Variants in NPHP4 observed in about 807,000 individuals in gnomAD.
NPHP4 encodes the protein nephrocystin-4.
Under a neutral mutation model 155.8 loss-of-function variants are expected in NPHP4, and 151 were observed. The ratio of observed to expected loss-of-function variants is 0.97; its 90% CI spans 0.85 to 1.11. The LOEUF (loss-of-function observed/expected upper bound fraction) is 1.11, where lower values mean the gene tolerates loss of function less well. Ranked by LOEUF, NPHP4 falls within the 50% of genes least tolerant of loss-of-function variation. The pLI is 0.00. For synonymous variants in NPHP4, 845 were observed against 816.8 expected, an observed-to-expected ratio of 1.03 and a Z score of -0.59; for missense variants, 1,956 against 1,925.7, an observed-to-expected ratio of 1.02 and a Z score of -0.29.
Position 5,978,350 on chromosome 1 carries a change from A to G in NPHP4, c.199T>C (p.Tyr67His). 6.2e-7 allele frequency: 1 copy of G among 1,609,732 alleles called. No homozygotes were observed. Residue 67 changes from tyrosine to histidine, a missense_variant, in exon 3 of 30, where the codon TAC (tyrosine) becomes CAC (histidine). Physicochemically the swap from Tyr to His is moderately conservative, Grantham distance 83. Coordinates refer to ENST00000378156, the MANE Select transcript of NPHP4 (RefSeq NM_015102.5). Reference sequence around the variant, plus strand: ...CACGTCCTCCCAAAGAAGTGCCGGTAGGTGACATCAAAGAAAGACACTCGC... The same window carrying G: ...CACGTCCTCCCAAAGAAGTGCCGGTGGGTGACATCAAAGAAAGACACTCGC... The part of the protein sequence containing the change: ...HLRVSFFDVT[Y>H]RHFFGRTWKT...
chr1:5,868,998 C>G (rs1474801846), intron 23 of NPHP4, among the ~76,000 whole-genome samples: 2 of 140,596 alleles, frequency 1.4e-5, no homozygotes, highest in Non-Finnish European at 3.1e-5. Flanking sequence ...CACATGCACA[C>G]ACACGCACCC....
chr1:5,905,441 C>A lies in NPHP4; in HGVS notation c.1806G>T (p.Gln602His). 1 of 1,610,848 alleles carries A rather than the reference C, an allele frequency of 6.2e-7. No individual in the cohort carries two copies. The highest frequency in any genetic ancestry group is 1.3e-5 in the African/African-American group (1 of 74,988). The change falls in exon 15 of 30, where the codon CAG becomes CAT. Residue 602 changes from glutamine to histidine, a missense_variant. Gln to His is a conservative substitution (Grantham distance 24). Coordinates refer to ENST00000378156, the MANE Select transcript of NPHP4 (RefSeq NM_015102.5). This position sits in a 1 kb window ranked among gnomAD's most constrained non-coding sequence, Gnocchi z 4.0. Reference sequence around the variant, plus strand: ...CCAGAATCTCGGGAAAGCCGGAGGACTGCAGGAGCACCATGGAGGCTCTCG... The same window carrying A: ...CCAGAATCTCGGGAAAGCCGGAGGAATGCAGGAGCACCATGGAGGCTCTCG... ...QPSRASMVLL[Q>H]SSGFPEILDA... is the part of the protein sequence containing the mutation.
chr1:5,968,918 T>C (rs977336997), intron 4 of NPHP4, among the ~76,000 whole-genome samples, 169 bp downstream of exon 4: 1 of 151,506 alleles, frequency 6.6e-6, no homozygotes, highest in Non-Finnish European at 1.5e-5. Flanking sequence ...TCCCACCTAC[T>C]TGGGAGGCTG....
At chr1:5,875,218 C>A in intron 20 of NPHP4, 118 bp from the exon 21 acceptor site, 1 of 783,838 alleles carries the variant, frequency 1.3e-6, no homozygotes, top group South Asian at 1.6e-5. Context: ...ACAAGCATCG[C>A]CACCACCACC....
intron 11 of NPHP4, among the ~76,000 whole-genome samples, chr1:5,926,741 G>A (rs1326227716): frequency 6.6e-6 from 1 of 152,160 alleles, no homozygotes; most frequent in African/African-American, 2.4e-5. Context: ...GCAGGACTTG[G>A]GGCCATAGCC....
Position 5,864,497 on chromosome 1 carries a change from G to A in NPHP4, c.3837C>T (p.Phe1279=), listed in dbSNP as rs375237454. 1.4e-4 allele frequency: 220 copies of A among 1,589,260 alleles called. No homozygotes were observed. The Middle Eastern group carries it at 3.5e-3, about 25-fold the overall frequency. The change falls in exon 28 of 30, where the codon TTC becomes TTT. Residue 1279 remains phenylalanine (F), a synonymous_variant. Transcript: ENST00000378156. ...CCTGCACCCCACGAGGCGGCAGCAC[G>A]AAGACACCTTTGGGGTCTGTCTTCA... ...QELKTDPKGV[F]VLPPRGVQDL...
At chr1:5,985,109 C>G (rs909090978) in intron 2 of NPHP4, among the ~76,000 whole-genome samples, 1 of 152,220 alleles carries the variant, frequency 6.6e-6, no homozygotes. Context: ...AATCCAAGGG[C>G]TTGGAATTGA....
intron 11 of NPHP4, among the ~76,000 whole-genome samples, chr1:5,913,305 T>G (rs1645287578): frequency 6.6e-6 from 1 of 152,174 alleles, no homozygotes; most frequent in Admixed American, 6.5e-5. Flanking sequence ...AGTCACTGGT[T>G]TCCCAGGACA....
intron 22 of NPHP4, chr1:5,873,922 G>A (rs1642273110): frequency 1.5e-5 from 3 of 203,978 alleles, no homozygotes; most frequent in South Asian, 7.4e-5. Context: ...TCCTGCACGC[G>A]TGCCTCACAC....
rs557327745 is a variant in NPHP4, at chr1:5,910,484, G to A, written c.1442-1271C>T. ...CTTCCCTCCCTCTCCTGTGGCCTCT[G>A]CTGCCATGAAGGTTGGGCAAACGAA... On this transcript the variant is annotated intron_variant, in intron 11 of 29. Transcript: ENST00000378156. The surrounding 1 kb of genome is among the most constrained non-coding windows in gnomAD (Gnocchi z 5.4). Among the ~76,000 whole-genome samples the A allele has an allele frequency of 6.6e-6, 1 of 152,208 alleles. No individual in the cohort carries two copies. The highest frequency in any genetic ancestry group is 1.5e-5 in the Non-Finnish European group (1 of 68,010).
chr1:5,937,471 G>A (rs914573431), intron 9 of NPHP4, among the ~76,000 whole-genome samples: 3 of 152,200 alleles, frequency 2.0e-5, no homozygotes, highest in African/African-American at 4.8e-5. Context: ...ATTACTTCAC[G>A]AGCTTCATTT....
intron 11 of NPHP4, among the ~76,000 whole-genome samples, chr1:5,922,711 C>T (rs939860201): frequency 2.2e-5 from 3 of 136,732 alleles, no homozygotes; most frequent in African/African-American, 5.5e-5. Flanking sequence ...CTGGCTTAGC[C>T]GGGCACGGTG....
In NPHP4 at chr1:5,864,518, C is replaced by T; in HGVS notation, c.3817-1G>A. On this transcript the variant is annotated splice_acceptor_variant, in intron 27 of 29. Transcript: ENST00000378156. LOFTEE classifies it high-confidence loss of function. ...GCACGAAGACACCTTTGGGGTCTGT[C>T]TTCAAGAGCGAGAGAGGCGGGTCAG... The T allele has an allele frequency of 1.3e-6, 2 of 1,553,254 alleles. No homozygotes were observed. Among genetic ancestry groups the T allele is most frequent in the Non-Finnish European group, 1.7e-6 (2 of 1,145,212 alleles).
chr1:5,867,067 C>A lies in NPHP4; in HGVS notation c.3521G>T (p.Cys1174Phe). 1 of 1,613,214 alleles carries A rather than the reference C, an allele frequency of 6.2e-7. No homozygotes were observed. Among genetic ancestry groups the A allele is most frequent in the Non-Finnish European group, 8.5e-7 (1 of 1,179,618 alleles). ...CTCACAGATGACGTTCGGGTCGCTGCAGCGAACATGGACTGGGGGGTCCTC... is the reference window on the plus strand; with the variant it reads ...CTCACAGATGACGTTCGGGTCGCTGAAGCGAACATGGACTGGGGGGTCCTC... The part of the protein sequence containing the change: ...LGEDPPVHVR[C>F]SDPNVICETQ... The change falls in exon 25 of 30, where the codon TGC (cysteine) becomes TTC (phenylalanine). Residue 1174 changes from cysteine (C) to phenylalanine (F), a missense_variant. Physicochemically the swap from Cys to Phe is radical, Grantham distance 205. Coordinates refer to ENST00000378156, the MANE Select transcript of NPHP4 (RefSeq NM_015102.5). This position sits in a 1 kb window ranked among gnomAD's most constrained non-coding sequence, Gnocchi z 4.1.
At position 5,978,044 on chromosome 1, in the gene NPHP4, C is replaced by G. The variant is rs113600816; in HGVS notation, c.279+226G>C. Among the ~76,000 whole-genome samples the G allele has an allele frequency of 2.8e-3, 419 of 151,424 alleles. 1 individual carries two copies. Among genetic ancestry groups the G allele is most frequent in the African/African-American group, 9.6e-3 (394 of 41,180 alleles). ...CATTCCCCTGACCCTTCAACCAGAG[C>G]AGAGCAGAGCTCTCTCATCTGTTTA... On this transcript the variant is annotated intron_variant, in intron 3 of 29. Coordinates refer to ENST00000378156, the MANE Select transcript of NPHP4 (RefSeq NM_015102.5).
chr1:5,983,347 G>A (rs1655009953), intron 2 of NPHP4, among the ~76,000 whole-genome samples: 2 of 152,202 alleles, frequency 1.3e-5, no homozygotes, highest in African/African-American at 2.4e-5. Flanking sequence ...GATTTCAAGA[G>A]AGTTCCTACC....
intron 5 of NPHP4, among the ~76,000 whole-genome samples, chr1:5,965,727 G>C (rs1240902265): frequency 6.6e-6 from 1 of 152,090 alleles, no homozygotes; most frequent in Admixed American, 6.5e-5. Flanking sequence ...CTCAGGACTG[G>C]AACCAGCCCT....
intron 16 of NPHP4, among the ~76,000 whole-genome samples, chr1:5,896,151 C>T (rs1348762555): frequency 6.6e-6 from 1 of 152,118 alleles, no homozygotes; most frequent in East Asian, 1.9e-4. Context: ...CAGCCAGAAA[C>T]GAAAAGTCTG....
chr1:5,934,156 C>G (rs764490845), intron 9 of NPHP4, among the ~76,000 whole-genome samples: 2 of 152,186 alleles, frequency 1.3e-5, no homozygotes, highest in Non-Finnish European at 1.5e-5. Context: ...GAAGAGGACT[C>G]CAGAGGTGAT....
Sources: allele counts gnomAD v4.1 joint callset (sites outside exome capture counted in the v4.1 genomes callset), GRCh38; gene constraint gnomAD v4.1.1; non-coding constraint Gnocchi (gnomAD v3.1); transcripts MANE v1.5; gene names NCBI Gene and HGNC (gene_info 2026-07-23, HGNC 2026-07-21).